The following OTUB2 variants were observed in gnomAD, a reference collection of about 807,000 sequenced individuals.
OTUB2 encodes the protein ubiquitin thioesterase OTUB2.
A neutral mutation model predicts 25.1 loss-of-function variants in OTUB2; 21 were observed. That is an observed-to-expected ratio of 0.84 (90% confidence interval 0.59 to 1.21). The LOEUF (loss-of-function observed/expected upper bound fraction) is 1.21, where lower values mean the gene tolerates loss of function less well. Ranked by LOEUF, OTUB2 falls within the 50% of genes most tolerant of loss-of-function variation. The pLI is 0.00. For missense variants in OTUB2, 283 were observed against 298.0 expected, an observed-to-expected ratio of 0.95 and a Z score of 0.37; for synonymous variants, 122 against 122.8, an observed-to-expected ratio of 0.99 and a Z score of 0.04.
At chr14:94,036,451 A>G (rs1477886503) in intron 1 of OTUB2, among the ~76,000 whole-genome samples, 1 of 152,090 alleles carries the variant, frequency 6.6e-6, no homozygotes, top group East Asian at 1.9e-4. Flanking sequence ...CAGTATGTTC[A>G]TGCTGCAATC....
At chr14:94,042,112 T>A (rs1281842391) in intron 3 of OTUB2, among the ~76,000 whole-genome samples, 1 of 152,252 alleles carries the variant, frequency 6.6e-6, no homozygotes, top group East Asian at 1.9e-4. Flanking sequence ...GTATCTTGCA[T>A]ACTTGCTCTA....
At chr14:94,030,815 G>GGC (rs371307074) in intron 1 of OTUB2, among the ~76,000 whole-genome samples, 15,824 of 128,046 alleles carry the variant, frequency 0.12, 938 homozygotes, top group African/African-American at 0.17. Context: ...GCAGAGTGAT[G>GGC]GGGAGGGTGG....
chr14:94,045,690 G>A (rs1184617950), intron 5 of OTUB2, 26 bp from the exon 6 acceptor site: 1 of 1,610,974 alleles, frequency 6.2e-7, no homozygotes, highest in Non-Finnish European at 8.5e-7. Flanking sequence ...TCCTAAGCTG[G>A]CTTGTTTTCA....
Position 94,044,197 on chromosome 14 carries a change from G to A in OTUB2, c.303+142G>A. 3.5e-6 allele frequency: 3 copies of A among 848,662 alleles called. No homozygotes were observed. In the South Asian group the frequency reaches 4.4e-5, roughly 13 times the overall value. The allele number at this position is 848,662 out of a possible 1,614,324, so 52.6% of individuals were successfully genotyped here. ...CCTTCCTGCTTGTGGGGGTGTGTGGGCACAGGGAGCCCTCACCCTATTCCC... is the reference window on the plus strand; with the variant it reads ...CCTTCCTGCTTGTGGGGGTGTGTGGACACAGGGAGCCCTCACCCTATTCCC... On this transcript the variant is annotated intron_variant, in intron 4 of 5. Coordinates refer to ENST00000203664, the MANE Select transcript of OTUB2 (RefSeq NM_023112.4).
chr14:94,042,344 C>A (rs571692192), intron 3 of OTUB2, among the ~76,000 whole-genome samples: 26 of 152,298 alleles, frequency 1.7e-4, no homozygotes, highest in African/African-American at 6.0e-4. Flanking sequence ...GCTTGCCTCT[C>A]GGGGGTGCAT....
At chr14:94,029,670 A>G (rs1033245280) in intron 1 of OTUB2, among the ~76,000 whole-genome samples, 2 of 152,200 alleles carry the variant, frequency 1.3e-5, no homozygotes, top group African/African-American at 4.8e-5. Flanking sequence ...TTAGGTATTC[A>G]ACATATGAAT....
Position 94,046,203 on chromosome 14 carries a change from G to T in OTUB2, c.*281G>T. On this transcript the variant is annotated 3_prime_UTR_variant, in exon 6 of 6. Coordinates refer to ENST00000203664, the MANE Select transcript of OTUB2 (RefSeq NM_023112.4). ...CCTGGGTGGGTCACCTGCCCTCTCT[G>T]GACTTGTTTCTTCAACTGGAGGAGG... 1 of 529,060 alleles carries T rather than the reference G, an allele frequency of 1.9e-6. No individual in the cohort carries two copies. The highest frequency in any genetic ancestry group is 3.4e-6 in the Non-Finnish European group (1 of 294,786). The allele number at this position is 529,060 out of a possible 1,614,324, so 32.8% of individuals were successfully genotyped here.
At chr14:94,041,465 CTCTT>C (rs888748961) in intron 3 of OTUB2, among the ~76,000 whole-genome samples, 3 of 152,150 alleles carry the variant, frequency 2.0e-5, no homozygotes, top group African/African-American at 4.8e-5. Context: ...TTTTCCTTCT[CTCTT>C]TATTTTTTCT....
chr14:94,027,972 C>T (rs531008210), intron 1 of OTUB2, among the ~76,000 whole-genome samples: 3 of 152,184 alleles, frequency 2.0e-5, no homozygotes, highest in Non-Finnish European at 2.9e-5. Flanking sequence ...CTTAGCCACC[C>T]GGGAGCTGGA....
intron 3 of OTUB2, 143 bp from the exon 4 acceptor site, chr14:94,043,828 G>A (rs2141414480): frequency 2.7e-6 from 2 of 752,290 alleles, no homozygotes; most frequent in Non-Finnish European, 2.4e-6. Flanking sequence ...GTGGCTGTGT[G>A]TTGGGGGCAG....
At chr14:94,044,492 G>A in intron 4 of OTUB2, 94 bp from the exon 5 acceptor site, 1 of 1,274,992 alleles carries the variant, frequency 7.8e-7, no homozygotes, top group Non-Finnish European at 1.1e-6. Flanking sequence ...AAATGCACGT[G>A]AGGGCTTCAC....
intron 3 of OTUB2, among the ~76,000 whole-genome samples, chr14:94,041,058 C>T (rs917545645): frequency 6.6e-6 from 1 of 151,982 alleles, no homozygotes. Flanking sequence ...GAGATGTGGT[C>T]GGGGAGAGAT....
intron 1 of OTUB2, among the ~76,000 whole-genome samples, 198 bp downstream of exon 1, chr14:94,026,738 G>T (rs1031090123): frequency 6.6e-6 from 1 of 152,048 alleles, no homozygotes; most frequent in Admixed American, 6.5e-5. Context: ...CCTGTACCCC[G>T]TGGATGTGCA....
At position 94,026,472 on chromosome 14, in the gene OTUB2, C is replaced by T; in HGVS notation, c.-66C>T. ...CAGCGGCGGAGCCCGCCCGCGCCTCCCGCGGCATTCCCGCACCGGATCGCT... is the reference window on the plus strand; with the variant it reads ...CAGCGGCGGAGCCCGCCCGCGCCTCTCGCGGCATTCCCGCACCGGATCGCT... On this transcript the variant is annotated 5_prime_UTR_variant, in exon 1 of 6. Transcript: ENST00000203664. 1 of 1,326,266 alleles carries T rather than the reference C, an allele frequency of 7.5e-7. No individual in the cohort carries two copies. Among genetic ancestry groups the T allele is most frequent in the South Asian group, 2.0e-5 (1 of 49,440 alleles). 82.2% of individuals were successfully genotyped at this position (1,326,266 alleles called of 1,614,324 possible). A position where few individuals can be genotyped will look rare whatever the true frequency, so the allele number is the denominator to read the frequency against.
At chr14:94,039,974 C>T (rs1885128993) in intron 3 of OTUB2, among the ~76,000 whole-genome samples, 1 of 152,174 alleles carries the variant, frequency 6.6e-6, no homozygotes, top group African/African-American at 2.4e-5. Context: ...AGATCATGCT[C>T]ACGGTGGGGG....
chr14:94,039,607 T>C (rs1885121075), intron 3 of OTUB2, among the ~76,000 whole-genome samples: 1 of 115,348 alleles, frequency 8.7e-6, no homozygotes, highest in Non-Finnish European at 1.8e-5. Flanking sequence ...CTCTAGTCCA[T>C]AGCAAGAAAA....
chr14:94,030,116 G>T (rs1884932621), intron 1 of OTUB2, among the ~76,000 whole-genome samples: 1 of 152,202 alleles, frequency 6.6e-6, no homozygotes, highest in African/African-American at 2.4e-5. Context: ...CATGGGGGAA[G>T]GGCGTGCCCT....
intron 4 of OTUB2, among the ~76,000 whole-genome samples, chr14:94,044,362 C>T (rs767513833): frequency 1.3e-5 from 2 of 152,186 alleles, no homozygotes; most frequent in Non-Finnish European, 2.9e-5. Context: ...ACCCAACTGC[C>T]GCTCCCAAAC....
chr14:94,044,544 G>A (rs747064908), intron 4 of OTUB2, 42 bp from the exon 5 acceptor site: 11 of 1,576,016 alleles, frequency 7.0e-6, no homozygotes, highest in Non-Finnish European at 8.7e-6. Context: ...GGGAGGGCTG[G>A]GGCTTGCTTG....
Sources: gnomAD v4.1 joint callset for allele counts (sites outside exome capture counted in the v4.1 genomes callset) on GRCh38, gnomAD v4.1.1 for gene constraint, MANE v1.5 for transcripts, NCBI Gene and HGNC (gene_info 2026-07-23, HGNC 2026-07-21) for gene names.